SAMD9L: variants seen among roughly 807,000 people sequenced by gnomAD.
SAMD9L encodes the protein sterile alpha motif domain-containing protein 9-like.
SAMD9L carries 68 observed loss-of-function variants against 90.7 expected under a neutral mutation model. That is an observed-to-expected ratio of 0.75 (90% CI 0.62 to 0.92). The LOEUF (loss-of-function observed/expected upper bound fraction) is 0.92, where lower values mean the gene tolerates loss of function less well. SAMD9L is among the 40% of genes least tolerant of loss of function. SAMD9L has a pLI of 0.00. For synonymous variants in SAMD9L, 640 were observed against 630.1 expected, an observed-to-expected ratio of 1.02 and a Z score of -0.23; for missense variants, 1,604 against 1,824.3, an observed-to-expected ratio of 0.88 and a Z score of 2.20.
In SAMD9L at chr7:93,132,028, A is replaced by G; in HGVS notation, c.3944T>C (p.Leu1315Ser). 6.2e-7 allele frequency: 1 copy of G among 1,613,506 alleles called. No homozygotes were observed. The highest frequency in any genetic ancestry group is 8.5e-7 in the Non-Finnish European group (1 of 1,179,728). ...GAGTAATTGACTCTCTTTACTTTGT[A>G]ATAGACATGGATCCAAATGACAGAA... ...ELFCHLDPCL[L>S]QSKESQLLQE... The change falls in exon 5 of 5, where the codon TTA (leucine) becomes TCA (serine). Residue 1315 changes from leucine to serine, a missense_variant. By Grantham distance (145) the Leu-to-Ser change is moderately radical (BLOSUM62 -2). Transcript: ENST00000318238.
In SAMD9L at chr7:93,134,110, A is replaced by C. The variant is rs780044604; in HGVS notation, c.1862T>G (p.Ile621Ser). 1 of 1,613,968 alleles carries C rather than the reference A, an allele frequency of 6.2e-7. No homozygotes were observed. Among genetic ancestry groups the C allele is most frequent in the Non-Finnish European group, 8.5e-7 (1 of 1,179,884 alleles). Residue 621 changes from isoleucine to serine, a missense_variant, in exon 5 of 5, where the codon ATC (isoleucine) becomes AGC (serine). By Grantham distance (142) the Ile-to-Ser change is moderately radical. Coordinates refer to ENST00000318238, the MANE Select transcript of SAMD9L (RefSeq NM_152703.5). Reference protein sequence around the residue: ...TLNIELVNSTILKLKSVTRSS... With the variant: ...TLNIELVNSTSLKLKSVTRSS... ...CCGAGTCACCGATTTTAGTTTAAGG[A>C]TAGTGCTGTTTACCAGTTCTATATT... is the stretch of plus-strand genomic sequence containing the variant.
chr7:93,142,254 T>G (rs750618762), intron 4 of SAMD9L, among the ~76,000 whole-genome samples: 13 of 152,368 alleles, frequency 8.5e-5, no homozygotes, highest in Non-Finnish European at 1.6e-4. Flanking sequence ...TTTCTCATTC[T>G]GTGTCAGCAA....
Position 93,133,413 on chromosome 7 carries a change from G to C in SAMD9L, c.2559C>G (p.Asp853Glu). 1 of 1,613,582 alleles carries C rather than the reference G, an allele frequency of 6.2e-7. No homozygotes were observed. The highest frequency in any genetic ancestry group is 1.3e-5 in the African/African-American group (1 of 75,030). The part of the protein sequence containing the change: ...RNPDESAKLA[D>E]SIALNYQLSS... Reference sequence around the variant, plus strand: ...AAAGTTGGTAATTTAGTGCAATACTGTCTGCCAATTTTGCACTTTCATCTG... The same window carrying C: ...AAAGTTGGTAATTTAGTGCAATACTCTCTGCCAATTTTGCACTTTCATCTG... The change falls in exon 5 of 5, where the codon GAC becomes GAG. Residue 853 changes from aspartate to glutamate, a missense_variant. Coordinates refer to ENST00000318238, the MANE Select transcript of SAMD9L (RefSeq NM_152703.5).
At chr7:93,143,511 G>A (rs73413291) in intron 4 of SAMD9L, among the ~76,000 whole-genome samples, 1 of 151,996 alleles carries the variant, frequency 6.6e-6, no homozygotes, top group Non-Finnish European at 1.5e-5. Context: ...TCCTCACCAC[G>A]GTCACCTTGC....
Position 93,133,312 on chromosome 7 carries a change from T to G in SAMD9L, c.2660A>C (p.Tyr887Ser). The G allele has an allele frequency of 1.9e-6, 3 of 1,612,660 alleles. No individual in the cohort carries two copies. The highest frequency in any genetic ancestry group is 2.5e-6 in the Non-Finnish European group (3 of 1,179,262). ...ATTGCTTTTCATGATCATGAAGGAA[T>G]AAAAGTTTTCACAGTTCTTGTGCTG... is the stretch of plus-strand genomic sequence containing the variant. ...EKQHKNCENF[Y>S]SFMIMKSNFD... The change falls in exon 5 of 5, where the codon TAT (tyrosine) becomes TCT (serine). Residue 887 changes from tyrosine (Y) to serine (S), a missense_variant. By Grantham distance (144) the Tyr-to-Ser change is moderately radical. Coordinates refer to ENST00000318238, the MANE Select transcript of SAMD9L (RefSeq NM_152703.5).
chr7:93,135,389 G>A lies in SAMD9L; in HGVS notation c.583C>T (p.Pro195Ser). Residue 195 changes from proline to serine, a missense_variant, in exon 5 of 5, where the codon CCA becomes TCA. Physicochemically the swap from Pro to Ser is moderately conservative, Grantham distance 74. Transcript: ENST00000318238. Reference protein sequence around the residue: ...PETGALNLIDPIHEFKALTNT... With the variant: ...PETGALNLIDSIHEFKALTNT... The stretch of plus-strand genomic sequence containing the variant: ...GTGAGAGCTTTGAACTCATGTATTG[G>A]ATCAATGAGATTGAGTGCTCCTGTT... 10 of 1,614,060 alleles carry A rather than the reference G, an allele frequency of 6.2e-6. No homozygotes were observed. Among genetic ancestry groups the A allele is most frequent in the Non-Finnish European group, 8.5e-6 (10 of 1,179,962 alleles).
chr7:93,144,764 T>C lies in SAMD9L; in HGVS notation c.-53A>G, dbSNP rs111744411. The stretch of plus-strand genomic sequence containing the variant: ...GGCTCACTCACTCACTTTCCGTGCC[T>C]CCGGGAAAGGATGCTCAGAATCCCA... On this transcript the variant is annotated 5_prime_UTR_variant, in exon 4 of 5. Transcript: ENST00000318238. 55 of 152,334 alleles carry C rather than the reference T, an allele frequency of 3.6e-4. 1 individual carries two copies. The highest frequency in any genetic ancestry group is 1.3e-3 in the African/African-American group (53 of 41,564). 9.4% of individuals were successfully genotyped at this position (152,334 alleles called of 1,614,324 possible).
At chr7:93,137,079 G>A (rs934637112) in intron 4 of SAMD9L, among the ~76,000 whole-genome samples, 2 of 151,806 alleles carry the variant, frequency 1.3e-5, no homozygotes, top group African/African-American at 2.4e-5. Context: ...AATATTTTAC[G>A]GACAGACAAA....
At chr7:93,144,197 CAGA>C (rs1024379607) in intron 4 of SAMD9L, among the ~76,000 whole-genome samples, 1 of 152,158 alleles carries the variant, frequency 6.6e-6, no homozygotes, top group African/African-American at 2.4e-5. Flanking sequence ...TGGAGCTGGG[CAGA>C]AGACCTTCAC....
In SAMD9L at chr7:93,135,612, A is replaced by G. The variant is rs778181149; in HGVS notation, c.360T>C (p.Asp120=). ...TATCTCTGATCTCTCTGGGATCATA[A>G]TCAATATTAGATGACATTGAATTTT... ...EEENSMSSNI[D]YDPREIRDIK... The change falls in exon 5 of 5, where the codon GAT becomes GAC. Residue 120 remains aspartate (D), a synonymous_variant. Transcript: ENST00000318238. 5 of 1,613,910 alleles carry G rather than the reference A, an allele frequency of 3.1e-6. No homozygotes were observed. The highest frequency in any genetic ancestry group is 4.2e-6 in the Non-Finnish European group (5 of 1,179,854).
At chr7:93,139,094 T>C (rs190394827) in intron 4 of SAMD9L, among the ~76,000 whole-genome samples, 56 of 152,308 alleles carry the variant, frequency 3.7e-4, no homozygotes, top group African/African-American at 1.3e-3. Flanking sequence ...TTGTATTAAA[T>C]ACATTTTGTA....
At position 93,135,659 on chromosome 7, in the gene SAMD9L, T is replaced by C. The variant is rs2116506527; in HGVS notation, c.313A>G (p.Lys105Glu). The C allele has an allele frequency of 6.2e-7, 1 of 1,614,106 alleles. No individual in the cohort carries two copies. Among genetic ancestry groups the C allele is most frequent in the Non-Finnish European group, 8.5e-7 (1 of 1,179,980 alleles). Residue 105 changes from lysine (K) to glutamate (E), a missense_variant, in exon 5 of 5, where the codon AAA becomes GAA. Lys to Glu is a moderately conservative substitution (Grantham distance 56). This residue lies in a region of SAMD9L where 374 missense variants were observed against 363.6 expected (regional missense o/e 1.03). Coordinates refer to ENST00000318238, the MANE Select transcript of SAMD9L (RefSeq NM_152703.5). ...TTTTCTTCTTCCTTTTTGGTGTGTT[T>C]TGGATTTTTCTGGTGTTCTGTTTTG... ...PSKTEHQKNP[K>E]HTKKEEENSM...
In SAMD9L at chr7:93,134,967, T is replaced by G; in HGVS notation, c.1005A>C (p.Gln335His). Residue 335 changes from glutamine to histidine, a missense_variant, in exon 5 of 5, where the codon CAA becomes CAC. This residue lies in a region of SAMD9L where 374 missense variants were observed against 363.6 expected (regional missense o/e 1.03). Transcript: ENST00000318238. ...MQICKDKIWK[Q>H]NQNLSLFVRE... ...TTACAAACAGTGAAAGATTTTGGTT[T>G]TGTTTCCATATTTTATCTTTACAAA... 1 of 1,613,734 alleles carries G rather than the reference T, an allele frequency of 6.2e-7. No homozygotes were observed. The highest frequency in any genetic ancestry group is 8.5e-7 in the Non-Finnish European group (1 of 1,179,664).
chr7:93,131,100 C>T lies in SAMD9L; in HGVS notation c.*117G>A. ...TGTAATTCATTCAGGGAGGCAAAAG[C>T]AAAATCTGTAATTAGAGGTTAGCCA... On this transcript the variant is annotated 3_prime_UTR_variant, in exon 5 of 5. Transcript: ENST00000318238. The T allele has an allele frequency of 1.5e-6, 1 of 650,202 alleles. No homozygotes were observed. Among genetic ancestry groups the T allele is most frequent in the Non-Finnish European group, 2.4e-6 (1 of 424,944 alleles). 40.3% of individuals were successfully genotyped at this position (650,202 alleles called of 1,614,324 possible). A position where few individuals can be genotyped will look rare whatever the true frequency, so the allele number is the denominator to read the frequency against.
Position 93,135,930 on chromosome 7 carries a change from C to T in SAMD9L, c.42G>A (p.Trp14Ter). 6.2e-7 allele frequency: 1 copy of T among 1,608,748 alleles called. No homozygotes were observed. Among genetic ancestry groups the T allele is most frequent in the Non-Finnish European group, 8.5e-7 (1 of 1,178,110 alleles). The change falls in exon 5 of 5, where the codon TGG becomes TGA. Residue 14 changes from tryptophan to a stop codon, truncating the protein, a stop_gained. Transcript: ENST00000318238. LOFTEE classifies it low-confidence loss of function (END_TRUNC). ...QVSLPEMIKD[W>*]TKEHVKKWVN... ...CCCATTTTTTCACATGCTCTTTGGT[C>T]CAGTCTTTAATCATTTCAGGTAGAG...
Position 93,133,615 on chromosome 7 carries a change from G to C in SAMD9L, c.2357C>G (p.Thr786Ser), listed in dbSNP as rs1792252625. ...ATCCTGATGGCTCTTTGCCCTATAG[G>C]TGACCAGATTGATCACTTGCTCTGC... is the stretch of plus-strand genomic sequence containing the variant. The part of the protein sequence containing the change: ...EIAEQVINLV[T>S]YRAKSHQDYI... The change falls in exon 5 of 5, where the codon ACC becomes AGC. Residue 786 changes from threonine (T) to serine (S), a missense_variant. Physicochemically the swap from Thr to Ser is moderately conservative, Grantham distance 58. This residue lies in a region of SAMD9L where 606 missense variants were observed against 717.6 expected (regional missense o/e 0.84). Coordinates refer to ENST00000318238, the MANE Select transcript of SAMD9L (RefSeq NM_152703.5). 2 of 1,613,616 alleles carry C rather than the reference G, an allele frequency of 1.2e-6. No individual in the cohort carries two copies. Among genetic ancestry groups the C allele is most frequent in the Non-Finnish European group, 8.5e-7 (1 of 1,179,828 alleles).
chr7:93,137,286 C>T (rs1412582556), intron 4 of SAMD9L, among the ~76,000 whole-genome samples: 1 of 152,148 alleles, frequency 6.6e-6, no homozygotes, highest in African/African-American at 2.4e-5. Flanking sequence ...TACAGCCTCT[C>T]ACCATATCTT....
chr7:93,137,537 A>G (rs1442300401), intron 4 of SAMD9L, among the ~76,000 whole-genome samples: 1 of 152,010 alleles, frequency 6.6e-6, no homozygotes, highest in Non-Finnish European at 1.5e-5. Flanking sequence ...TAATAATTTC[A>G]TTATATTTTA....
In SAMD9L at chr7:93,134,675, C is replaced by T; in HGVS notation, c.1297G>A (p.Asp433Asn). The change falls in exon 5 of 5, where the codon GAT becomes AAT. Residue 433 changes from aspartate to asparagine, a missense_variant. This residue lies in a region of SAMD9L where 606 missense variants were observed against 717.6 expected (regional missense o/e 0.84). Transcript: ENST00000318238. ...KCHPNQIKHL[D>N]FLKEIKWFAV... ...AACCATTTAATTTCTTTTAAAAAAT[C>T]TAAGTGCTTTATTTGGTTTGGATGG... 1 of 1,613,772 alleles carries T rather than the reference C, an allele frequency of 6.2e-7. No homozygotes were observed. The highest frequency in any genetic ancestry group is 8.5e-7 in the Non-Finnish European group (1 of 1,179,834).
Sources: allele counts gnomAD v4.1 joint callset (sites outside exome capture counted in the v4.1 genomes callset), GRCh38; gene constraint gnomAD v4.1.1; regional missense constraint gnomAD v4.1.1; transcripts MANE v1.5; gene names NCBI Gene and HGNC (gene_info 2026-07-23, HGNC 2026-07-21).